The following TLL2 variants were observed in gnomAD, a reference collection of about 807,000 sequenced individuals.
TLL2 encodes tolloid like 2, also known as tolloid-like protein 2.
Under a neutral mutation model 123.0 loss-of-function variants are expected in TLL2, and 106 were observed. The observed-to-expected ratio is 0.86, with a 90% CI of 0.74 to 1.01. The LOEUF is 1.01. Ranked by LOEUF, TLL2 falls within the 50% of genes least tolerant of loss-of-function variation. TLL2 has a pLI of 0.00. For missense variants in TLL2, 1,332 were observed against 1,336.7 expected, an observed-to-expected ratio of 1.00 and a Z score of 0.06; for synonymous variants, 494 against 516.8, an observed-to-expected ratio of 0.96 and a Z score of 0.60.
At chr10:96,448,659 A>T (rs1846924197) in intron 2 of TLL2, among the ~76,000 whole-genome samples, 1 of 152,154 alleles carries the variant, frequency 6.6e-6, no homozygotes. Context: ...TGACAAACAA[A>T]TAGCGAACCA....
At chr10:96,513,411 G>T in intron 1 of TLL2, 100 bp downstream of exon 1, 1 of 1,488,364 alleles carries the variant, frequency 6.7e-7, no homozygotes, top group Non-Finnish European at 9.1e-7. Context: ...GGGGAGGGGA[G>T]GGGAGACCCG....
intron 1 of TLL2, among the ~76,000 whole-genome samples, chr10:96,509,669 C>G (rs1036889958): frequency 3.9e-5 from 6 of 152,238 alleles, no homozygotes; most frequent in Admixed American, 2.0e-4. Context: ...TGGCCTTGGC[C>G]GGGCACGGTG....
chr10:96,466,057 G>T lies in TLL2; in HGVS notation c.286+14292C>A, dbSNP rs1257861346. ...GGACCTCTCGCTTGAAGGGGAATGG[G>T]AAAGTCATGCCTATAGGTGATGACA... On this transcript the variant is annotated intron_variant, in intron 2 of 20. Coordinates refer to ENST00000357947, the MANE Select transcript of TLL2 (RefSeq NM_012465.4). 2.0e-5 allele frequency among the ~76,000 whole-genome samples: 3 copies of T among 152,330 alleles called. No homozygotes were observed. In the East Asian group the frequency reaches 5.8e-4, roughly 29 times the overall value.
At chr10:96,407,284 C>T (rs1846460474) in intron 9 of TLL2, among the ~76,000 whole-genome samples, 1 of 152,144 alleles carries the variant, frequency 6.6e-6, no homozygotes, top group African/African-American at 2.4e-5. Flanking sequence ...CCTCCTCGAG[C>T]CTGTGTCTGA....
chr10:96,465,084 C>A (rs1467769152), intron 2 of TLL2, among the ~76,000 whole-genome samples: 1 of 152,162 alleles, frequency 6.6e-6, no homozygotes, highest in Non-Finnish European at 1.5e-5. Flanking sequence ...GAGACCAACT[C>A]CAGTCCTCTC....
intron 2 of TLL2, among the ~76,000 whole-genome samples, chr10:96,448,375 G>A (rs1293326454): frequency 5.3e-5 from 8 of 152,168 alleles, no homozygotes; most frequent in African/African-American, 1.4e-4. Context: ...GTGTGGAGGC[G>A]AGCTGGAGCC....
chr10:96,504,962 C>T (rs1184609255), intron 1 of TLL2, among the ~76,000 whole-genome samples: 2 of 152,150 alleles, frequency 1.3e-5, no homozygotes, highest in Non-Finnish European at 2.9e-5. Flanking sequence ...GAGCCGAGAT[C>T]GCACCGCTGC....
At chr10:96,476,216 T>TCATATATATATATATATATATA (rs1554939587) in intron 2 of TLL2, among the ~76,000 whole-genome samples, 4 of 33,346 alleles carry the variant, frequency 1.2e-4, no homozygotes, top group Admixed American at 4.8e-4. Context: ...CTTTTTAATT[T>TCATATATATATATATATATATA]TATATGTATA....
At chr10:96,486,999 C>T (rs969099006) in intron 1 of TLL2, among the ~76,000 whole-genome samples, 1 of 152,238 alleles carries the variant, frequency 6.6e-6, no homozygotes, top group African/African-American at 2.4e-5. Flanking sequence ...TTTACGAAGG[C>T]ACTTTCTGCC....
chr10:96,473,578 C>T (rs944002186), intron 2 of TLL2, among the ~76,000 whole-genome samples: 4 of 152,128 alleles, frequency 2.6e-5, no homozygotes, highest in Admixed American at 6.5e-5. Flanking sequence ...AGACATCCTA[C>T]ACAGATGGCA....
intron 13 of TLL2, among the ~76,000 whole-genome samples, chr10:96,388,800 C>G (rs4919008): frequency 0.92 from 140,492 of 152,260 alleles, 65,478 homozygotes; most frequent in East Asian, 1. Flanking sequence ...GCATTTCACT[C>G]GGTAAAGGAG....
chr10:96,391,405 T>G (rs545250421), intron 13 of TLL2, among the ~76,000 whole-genome samples: 2 of 152,318 alleles, frequency 1.3e-5, no homozygotes, highest in East Asian at 3.8e-4. Flanking sequence ...AGAGCCCTTT[T>G]GCCTATACCT....
intron 1 of TLL2, among the ~76,000 whole-genome samples, chr10:96,499,210 C>T (rs377616150): frequency 6.6e-6 from 1 of 152,328 alleles, no homozygotes; most frequent in South Asian, 2.1e-4. Flanking sequence ...ACCACTGGCA[C>T]CAACCCTCCA....
At chr10:96,441,578 G>T (rs550605796) in intron 3 of TLL2, among the ~76,000 whole-genome samples, 1 of 152,274 alleles carries the variant, frequency 6.6e-6, no homozygotes, top group South Asian at 2.1e-4. Flanking sequence ...AAGATCAAGG[G>T]GTTTGGGGTC....
intron 1 of TLL2, among the ~76,000 whole-genome samples, chr10:96,512,917 C>T (rs1400387927): frequency 6.6e-6 from 1 of 152,232 alleles, no homozygotes; most frequent in African/African-American, 2.4e-5. Context: ...CTTCCATCTC[C>T]GCCCGCCCAG....
chr10:96,497,515 A>C lies in TLL2; in HGVS notation c.175+15996T>G, dbSNP rs115780712. Among the ~76,000 whole-genome samples, 759 of 152,272 alleles carry C rather than the reference A, an allele frequency of 5.0e-3. 6 individuals are homozygous for C. Among genetic ancestry groups the C allele is most frequent in the African/African-American group, 0.018 (729 of 41,562 alleles). On this transcript the variant is annotated intron_variant, in intron 1 of 20. Transcript: ENST00000357947. ...AGCTTCTGGTTGCTTTCAACCAGGA[A>C]GAGATCTTGGCAGACCCTAGGGAAG...
chr10:96,421,115 G>A, intron 6 of TLL2, 54 bp from the exon 7 acceptor site: 2 of 1,415,334 alleles, frequency 1.4e-6, no homozygotes, highest in Non-Finnish European at 2.0e-6. Flanking sequence ...GCACCTGAAA[G>A]GAGGCAGAGG....
At chr10:96,403,959 A>G (rs1044091466) in intron 10 of TLL2, among the ~76,000 whole-genome samples, 4 of 141,540 alleles carry the variant, frequency 2.8e-5, no homozygotes, top group Non-Finnish European at 4.7e-5. Flanking sequence ...ATCCAGGCAT[A>G]GTACCTTCCC....
At chr10:96,442,380 C>T (rs1323126564) in intron 3 of TLL2, among the ~76,000 whole-genome samples, 2 of 152,190 alleles carry the variant, frequency 1.3e-5, no homozygotes, top group African/African-American at 4.8e-5. Flanking sequence ...CACAACGTGT[C>T]TTATCTTTCA....
Sources: allele counts gnomAD v4.1 joint callset (sites outside exome capture counted in the v4.1 genomes callset), GRCh38; gene constraint gnomAD v4.1.1; transcripts MANE v1.5; gene names NCBI Gene and HGNC (gene_info 2026-07-23, HGNC 2026-07-21).